The following YEATS2 variants were observed in gnomAD, a reference collection of about 807,000 sequenced individuals.
YEATS2 encodes the protein YEATS domain-containing protein 2.
Under a neutral mutation model 163.2 loss-of-function variants are expected in YEATS2, and 77 were observed. That is an observed-to-expected ratio of 0.47 (90% CI 0.39 to 0.57). The LOEUF (loss-of-function observed/expected upper bound fraction) is 0.57, where lower values mean the gene tolerates loss of function less well. Among genes scored for constraint, YEATS2 ranks in the 20% least tolerant of loss-of-function variants. The pLI, the probability that YEATS2 is intolerant of heterozygous loss-of-function variation, is 0.00. For missense variants in YEATS2, 1,549 were observed against 1,729.8 expected, an observed-to-expected ratio of 0.90 and a Z score of 1.85; for synonymous variants, 631 against 645.1, an observed-to-expected ratio of 0.98 and a Z score of 0.33.
chr3:183,793,269 C>T (rs1299979456), intron 21 of YEATS2: 2 of 1,174,946 alleles, frequency 1.7e-6, no homozygotes, highest in African/African-American at 3.2e-5. Context: ...ATTATTACTT[C>T]ATTCATATGT....
In YEATS2 at chr3:183,800,646, T is replaced by TTG. The variant is rs916329207; in HGVS notation, c.3428+88_3428+89dup. On this transcript the variant is annotated intron_variant, in intron 24 of 30. Transcript: ENST00000305135. Reference sequence around the variant, plus strand: ...CTGTGACAGCTGAGTATGTGCAGAGTTGTGTGTGTGTAGCTCTAAGCCCTT... The same window carrying TTG: ...CTGTGACAGCTGAGTATGTGCAGAGTTGTGTGTGTGTGTAGCTCTAAGCCCTT... 24 of 1,208,098 alleles carry TTG rather than the reference T, an allele frequency of 2.0e-5. No homozygotes were observed. The African/African-American group carries it at 2.4e-4, about 12-fold the overall frequency. The allele number at this position is 1,208,098 out of a possible 1,614,324, so 74.8% of individuals were successfully genotyped here.
At chr3:183,750,018 G>A (rs1719996655) in intron 9 of YEATS2, among the ~76,000 whole-genome samples, 1 of 151,904 alleles carries the variant, frequency 6.6e-6, no homozygotes, top group Admixed American at 6.6e-5. Context: ...TAGAGACGGG[G>A]TTTCACTGTG....
chr3:183,787,724 G>C (rs932504694), intron 20 of YEATS2, among the ~76,000 whole-genome samples: 1 of 151,920 alleles, frequency 6.6e-6, no homozygotes, highest in South Asian at 2.1e-4. Context: ...TAGGCTGGGC[G>C]CAGTGGCTCA....
intron 8 of YEATS2, among the ~76,000 whole-genome samples, chr3:183,745,159 C>T (rs1334748743): frequency 6.6e-6 from 1 of 152,182 alleles, no homozygotes; most frequent in Non-Finnish European, 1.5e-5. Context: ...CCCCTGCCCA[C>T]TATTCCTAGG....
At chr3:183,714,197 A>G (rs1715573282) in intron 1 of YEATS2, among the ~76,000 whole-genome samples, 1 of 138,558 alleles carries the variant, frequency 7.2e-6, no homozygotes, top group East Asian at 2.1e-4. Context: ...GATTTATGGG[A>G]TTTTTTTTTT....
chr3:183,721,970 C>G lies in YEATS2; in HGVS notation c.371C>G (p.Ser124Cys). ...TTGGAATCACCATCTAGGTCATCATCTCCTGCCAATCAGAGAGCAGAAACA... is the reference window on the plus strand; with the variant it reads ...TTGGAATCACCATCTAGGTCATCATGTCCTGCCAATCAGAGAGCAGAAACA... Reference protein sequence around the residue: ...KFLESPSRSSSPANQRAETPS... With the variant: ...KFLESPSRSSCPANQRAETPS... The change falls in exon 5 of 31, where the codon TCT becomes TGT. Residue 124 changes from serine (S) to cysteine (C), a missense_variant. Coordinates refer to ENST00000305135, the MANE Select transcript of YEATS2 (RefSeq NM_018023.5). 1 of 1,614,152 alleles carries G rather than the reference C, an allele frequency of 6.2e-7. No individual in the cohort carries two copies. The highest frequency in any genetic ancestry group is 8.5e-7 in the Non-Finnish European group (1 of 1,180,006).
chr3:183,758,596 T>C (rs1389878933), intron 12 of YEATS2, among the ~76,000 whole-genome samples: 1 of 152,004 alleles, frequency 6.6e-6, no homozygotes, highest in Non-Finnish European at 1.5e-5. Context: ...GTACAAGGAG[T>C]AGTCTAAAAC....
At chr3:183,754,597 T>G (rs989400631) in intron 11 of YEATS2, among the ~76,000 whole-genome samples, 1 of 152,218 alleles carries the variant, frequency 6.6e-6, no homozygotes, top group Non-Finnish European at 1.5e-5. Context: ...GGTCAAATTT[T>G]TGTCTGCCAG....
Position 183,755,741 on chromosome 3 carries a change from C to CTTTTTTTTTTTTTTTTTTTT in YEATS2, c.1391-777_1391-758dup, listed in dbSNP as rs57050296. Among the ~76,000 whole-genome samples the CTTTTTTTTTTTTTTTTTTTT allele has an allele frequency of 1.1e-4, 9 of 82,204 alleles. 1 individual carries two copies. Among genetic ancestry groups the CTTTTTTTTTTTTTTTTTTTT allele is most frequent in the African/African-American group, 4.2e-4 (7 of 16,562 alleles). 53.9% of individuals were successfully genotyped at this position (82,204 alleles called of 152,430 possible). ...ACTTACTGATTTTCTTCCTTCCTTT[C>CTTTTTTTTTTTTTTTTTTTT]TTTTTTTTTTTTTTTTTTTTTTTTT... On this transcript the variant is annotated intron_variant, in intron 11 of 30. Transcript: ENST00000305135.
At chr3:183,789,300 G>A (rs968003936) in intron 20 of YEATS2, among the ~76,000 whole-genome samples, 7 of 152,056 alleles carry the variant, frequency 4.6e-5, no homozygotes, top group Admixed American at 4.6e-4. Flanking sequence ...TGCATGGTGA[G>A]AGCTAGGGGT....
rs1007057599 is a variant in YEATS2, at chr3:183,697,835, G to A, written c.-178G>A. 2.0e-5 allele frequency: 3 copies of A among 150,336 alleles called. No individual in the cohort carries two copies. Among genetic ancestry groups the A allele is most frequent in the Non-Finnish European group, 3.0e-5 (2 of 67,468 alleles). 9.3% of individuals were successfully genotyped at this position (150,336 alleles called of 1,614,324 possible). On this transcript the variant is annotated 5_prime_UTR_variant, in exon 1 of 31. Coordinates refer to ENST00000305135, the MANE Select transcript of YEATS2 (RefSeq NM_018023.5). Reference sequence around the variant, plus strand: ...GCTGACGTGCGGGGCGGAACGCGCCGGGCGGGCTCCACCGCGCCGTGTGCT... The same window carrying A: ...GCTGACGTGCGGGGCGGAACGCGCCAGGCGGGCTCCACCGCGCCGTGTGCT...
chr3:183,730,044 T>TTTTGTTTGTTTG (rs1232274438), intron 7 of YEATS2, among the ~76,000 whole-genome samples: 12 of 89,698 alleles, frequency 1.3e-4, no homozygotes, highest in Admixed American at 3.8e-4. Context: ...TTGTGTGGTT[T>TTTTGTTTGTTTG]TTTGTTTGTT....
At chr3:183,747,489 C>G (rs1236190912) in intron 8 of YEATS2, among the ~76,000 whole-genome samples, 183 bp from the exon 9 acceptor site, 1 of 151,786 alleles carries the variant, frequency 6.6e-6, no homozygotes, top group African/African-American at 2.4e-5. Flanking sequence ...AACTATATGT[C>G]TGAGGTTTTT....
chr3:183,727,463 A>G (rs1717237217), intron 6 of YEATS2, among the ~76,000 whole-genome samples: 2 of 152,034 alleles, frequency 1.3e-5, no homozygotes, highest in Admixed American at 6.6e-5. Flanking sequence ...TCCCCAAATC[A>G]ATCTGTAGGT....
rs766108228 is a variant in YEATS2, at chr3:183,811,683, A to G, written c.*1100A>G. On this transcript the variant is annotated 3_prime_UTR_variant, in exon 31 of 31. Transcript: ENST00000305135. ...ATGGGAGGGAGTGGCAGGCAGGAGA[A>G]GGTGGCGCTGCCAGGTGCCCGGGTC... is the stretch of plus-strand genomic sequence containing the variant. 39 of 152,434 alleles carry G rather than the reference A, an allele frequency of 2.6e-4. No homozygotes were observed. The highest frequency in any genetic ancestry group is 5.1e-4 in the Non-Finnish European group (35 of 68,112). 9.4% of individuals were successfully genotyped at this position (152,434 alleles called of 1,614,324 possible).
At chr3:183,783,314 A>G (rs1723754223) in intron 19 of YEATS2, among the ~76,000 whole-genome samples, 1 of 152,230 alleles carries the variant, frequency 6.6e-6, no homozygotes, top group East Asian at 1.9e-4. Context: ...TGTGGAGTGC[A>G]TTAATTTGGG....
chr3:183,759,230 A>C (rs1721091190), intron 13 of YEATS2, among the ~76,000 whole-genome samples: 1 of 152,156 alleles, frequency 6.6e-6, no homozygotes, highest in South Asian at 2.1e-4. Flanking sequence ...ATAAAATGGA[A>C]TCTTCAAGCT....
chr3:183,807,736 T>G, intron 28 of YEATS2: 1 of 316,464 alleles, frequency 3.2e-6, no homozygotes, highest in Non-Finnish European at 5.9e-6. Context: ...AAAGTGTTGA[T>G]TGCGTATCAG....
chr3:183,790,995 G>A lies in YEATS2; in HGVS notation c.3097+15G>A, dbSNP rs1235113741. On this transcript the variant is annotated intron_variant, in intron 21 of 30. Transcript: ENST00000305135. ...CACAGTATCCGGTGAGTTGCATTGT[G>A]ATATTATTTCTCTCTCTTTTCTCTC... The A allele has an allele frequency of 6.2e-7, 1 of 1,606,534 alleles. No individual in the cohort carries two copies. Among genetic ancestry groups the A allele is most frequent in the Non-Finnish European group, 8.5e-7 (1 of 1,174,782 alleles).
Sources: gnomAD v4.1 joint callset for allele counts (sites outside exome capture counted in the v4.1 genomes callset) on GRCh38, gnomAD v4.1.1 for gene constraint, MANE v1.5 for transcripts, NCBI Gene and HGNC (gene_info 2026-07-23, HGNC 2026-07-21) for gene names.